The following ATXN1 variants were observed in gnomAD, a reference collection of about 807,000 sequenced individuals.
ATXN1 encodes the protein ataxin 1.
In ATXN1, 8 loss-of-function variants were observed where a neutral mutation model predicts 56.4. The observed-to-expected ratio is 0.14, with a 90% CI of 0.08 to 0.26. The LOEUF (loss-of-function observed/expected upper bound fraction) is 0.26. Among genes scored for constraint, ATXN1 ranks in the 10% least tolerant of loss-of-function variants. ATXN1 has a pLI of 1.00. For synonymous variants in ATXN1, 514 were observed against 494.6 expected (o/e 1.04, Z -0.52); for missense variants, 987 against 1,106.5 (o/e 0.89, Z 1.53).
At chr6:16,681,474 A>C (rs574311375) in intron 2 of ATXN1, among the ~76,000 whole-genome samples, 59 of 152,378 alleles carry the variant, frequency 3.9e-4, no homozygotes, top group Non-Finnish European at 7.5e-4. Context: ...ATACCAAGTC[A>C]GAGCCAATTA....
At chr6:16,537,192 C>T (rs190378047) in intron 4 of ATXN1, among the ~76,000 whole-genome samples, 24 of 152,186 alleles carry the variant, frequency 1.6e-4, no homozygotes, top group Middle Eastern at 3.4e-3. Context: ...TGTGCATCAA[C>T]CGTCCCTGAA....
intron 4 of ATXN1, among the ~76,000 whole-genome samples, chr6:16,529,777 G>A (rs922409738): frequency 6.6e-6 from 1 of 151,998 alleles, no homozygotes; most frequent in Non-Finnish European, 1.5e-5. Flanking sequence ...ACTTACTATG[G>A]CATGATGTAC....
intron 4 of ATXN1, among the ~76,000 whole-genome samples, chr6:16,531,581 C>T (rs1253885714): frequency 6.6e-6 from 1 of 151,088 alleles, no homozygotes; most frequent in Non-Finnish European, 1.5e-5. Context: ...CGAGATCATG[C>T]CATTGCACTC....
chr6:16,322,394 T>G (rs571548747), intron 7 of ATXN1, among the ~76,000 whole-genome samples: 1 of 151,360 alleles, frequency 6.6e-6, no homozygotes, highest in South Asian at 2.1e-4. Context: ...CTGCTTTCCC[T>G]GGGGGTGTGA....
At chr6:16,421,432 A>G (rs1016222) in intron 6 of ATXN1, among the ~76,000 whole-genome samples, 126,430 of 152,142 alleles carry the variant, frequency 0.83, 53,154 homozygotes, top group East Asian at 0.99. Context: ...TTTAAATAAC[A>G]GATTGGTACA....
chr6:16,518,107 C>T (rs1384193346), intron 5 of ATXN1, among the ~76,000 whole-genome samples: 1 of 96,462 alleles, frequency 1.0e-5, no homozygotes, highest in Non-Finnish European at 1.9e-5. Flanking sequence ...ATGCAGAAGC[C>T]CAAGCGCCAC....
At chr6:16,591,033 G>T (rs1241425291) in intron 3 of ATXN1, among the ~76,000 whole-genome samples, 1 of 152,022 alleles carries the variant, frequency 6.6e-6, no homozygotes, top group Non-Finnish European at 1.5e-5. Context: ...GTAGAGATGG[G>T]GTTTCTCCAT....
intron 2 of ATXN1, among the ~76,000 whole-genome samples, chr6:16,732,938 G>A (rs753250520): frequency 3.9e-5 from 6 of 152,152 alleles, no homozygotes; most frequent in Non-Finnish European, 8.8e-5. Flanking sequence ...AGAATTGTAT[G>A]GCCCTTGAAA....
At chr6:16,704,947 A>C (rs998657967) in intron 2 of ATXN1, among the ~76,000 whole-genome samples, 1 of 148,592 alleles carries the variant, frequency 6.7e-6, no homozygotes, top group Non-Finnish European at 1.5e-5. Flanking sequence ...AAGCGACCAC[A>C]CTGTAGCCCT....
At chr6:16,481,336 C>G (rs1377937397) in intron 6 of ATXN1, among the ~76,000 whole-genome samples, 1 of 151,970 alleles carries the variant, frequency 6.6e-6, no homozygotes, top group Non-Finnish European at 1.5e-5. Flanking sequence ...CTAAAAGGTA[C>G]AAACTGACAG....
rs374264310 is a variant in ATXN1, at chr6:16,306,865, G to A, written c.1918-6C>T. The A allele has an allele frequency of 4.8e-5, 77 of 1,592,246 alleles. 1 individual carries two copies. Among genetic ancestry groups the A allele is most frequent in the Non-Finnish European group, 2.6e-6 (3 of 1,173,814 alleles). ...ACCAAAACTTCAACGCTGACCTGTG[G>A]AAACAGGGAGAGACAGAGAGAGGAA... On this transcript the variant is annotated splice_region_variant and splice_polypyrimidine_tract_variant and intron_variant, in intron 7 of 7. Coordinates refer to ENST00000436367, the MANE Select transcript of ATXN1 (RefSeq NM_001128164.2). The surrounding 1 kb of genome is among the most constrained non-coding windows in gnomAD (Gnocchi z 5.2).
intron 5 of ATXN1, among the ~76,000 whole-genome samples, chr6:16,498,770 C>A (rs1760824559): frequency 6.6e-6 from 1 of 152,184 alleles, no homozygotes; most frequent in Non-Finnish European, 1.5e-5. Context: ...GACATCTTTT[C>A]ATAAGCTTAT....
intron 2 of ATXN1, among the ~76,000 whole-genome samples, chr6:16,704,923 C>G (rs1437767705): frequency 1.3e-5 from 2 of 152,198 alleles, no homozygotes; most frequent in African/African-American, 4.8e-5. Flanking sequence ...CAGTGCAAAA[C>G]AGACCAGTGA....
intron 3 of ATXN1, among the ~76,000 whole-genome samples, chr6:16,612,901 A>AAAAG (rs1272267463): frequency 1.3e-5 from 2 of 151,858 alleles, no homozygotes; most frequent in East Asian, 3.9e-4. Flanking sequence ...AAAAAAAAAA[A>AAAAG]AAAGAAAGGG....
chr6:16,586,813 G>T (rs775777919), intron 3 of ATXN1, among the ~76,000 whole-genome samples: 5 of 152,156 alleles, frequency 3.3e-5, no homozygotes, highest in African/African-American at 2.4e-5. Context: ...GAGGTCAGGA[G>T]ATCGAGACCA....
intron 6 of ATXN1, among the ~76,000 whole-genome samples, chr6:16,375,403 C>T (rs1235959842): frequency 6.6e-6 from 1 of 152,202 alleles, no homozygotes; most frequent in Non-Finnish European, 1.5e-5. Flanking sequence ...CAGCTGTCAA[C>T]AACTCTGCAA....
chr6:16,339,340 T>C (rs1030210062), intron 6 of ATXN1, among the ~76,000 whole-genome samples: 5 of 152,122 alleles, frequency 3.3e-5, no homozygotes, highest in Non-Finnish European at 7.4e-5. Context: ...GGGAGAGTCT[T>C]AAAACTATTC....
intron 3 of ATXN1, among the ~76,000 whole-genome samples, chr6:16,634,662 T>C (rs1422333084): frequency 6.6e-6 from 1 of 152,340 alleles, no homozygotes; most frequent in East Asian, 1.9e-4. Flanking sequence ...TTCATATAAA[T>C]GAAATTGAAG....
chr6:16,453,692 C>T (rs533240439), intron 6 of ATXN1, among the ~76,000 whole-genome samples: 1 of 152,260 alleles, frequency 6.6e-6, no homozygotes, highest in African/African-American at 2.4e-5. Context: ...CATTGTGCTA[C>T]AGGTTGTGCA....
Sources: gnomAD v4.1 joint callset for allele counts (sites outside exome capture counted in the v4.1 genomes callset) on GRCh38, gnomAD v4.1.1 for gene constraint, Gnocchi (gnomAD v3.1) non-coding constraint, MANE v1.5 for transcripts, NCBI Gene and HGNC (gene_info 2026-07-23, HGNC 2026-07-21) for gene names.